The following TC2N variants were observed in gnomAD, a reference collection of about 807,000 sequenced individuals.
The protein encoded by TC2N is tandem C2 domains, nuclear.
TC2N carries 51 observed loss-of-function variants against 61.9 expected under a neutral mutation model. That is an observed-to-expected ratio of 0.82 (90% CI 0.66 to 1.04). The LOEUF is 1.04. Ranked by LOEUF, TC2N falls within the 50% of genes least tolerant of loss-of-function variation. The pLI is 0.00. For missense variants in TC2N, 556 were observed against 566.7 expected, an observed-to-expected ratio of 0.98 and a Z score of 0.19; for synonymous variants, 204 against 192.6, an observed-to-expected ratio of 1.06 and a Z score of -0.49.
chr14:91,833,059 T>C (rs1194334579), intron 1 of TC2N, among the ~76,000 whole-genome samples: 1 of 152,068 alleles, frequency 6.6e-6, no homozygotes, highest in Non-Finnish European at 1.5e-5. Context: ...GGTAAAACCA[T>C]ATAGAGAATC....
chr14:91,840,295 C>CTT (rs1411919642), intron 1 of TC2N, among the ~76,000 whole-genome samples: 3 of 152,130 alleles, frequency 2.0e-5, no homozygotes, highest in Admixed American at 6.5e-5. Context: ...CTGATAGGCA[C>CTT]TGTCATGAAT....
intron 3 of TC2N, among the ~76,000 whole-genome samples, chr14:91,803,380 T>TATACAC (rs1555369732): frequency 3.4e-5 from 5 of 145,460 alleles, no homozygotes; most frequent in African/African-American, 1.3e-4. Flanking sequence ...CATACATATA[T>TATACAC]ACACACACAC....
Position 91,781,264 on chromosome 14 carries a change from T to C in TC2N, c.*1836A>G, listed in dbSNP as rs945977501. The C allele has an allele frequency of 2.6e-5, 4 of 152,140 alleles. No homozygotes were observed. Among genetic ancestry groups the C allele is most frequent in the African/African-American group, 4.8e-5 (2 of 41,460 alleles). 9.4% of individuals were successfully genotyped at this position (152,140 alleles called of 1,614,324 possible). A position where few individuals can be genotyped will look rare whatever the true frequency, so the allele number is the denominator to read the frequency against. On this transcript the variant is annotated 3_prime_UTR_variant, in exon 12 of 12. Transcript: ENST00000435962. ...ACTTCTTTGGTACCCATTAAAATAG[T>C]TGCATTTGCAGAGGATGTTTAGGGC...
At chr14:91,807,120 C>A (rs1053646128) in intron 3 of TC2N, among the ~76,000 whole-genome samples, 1 of 152,226 alleles carries the variant, frequency 6.6e-6, no homozygotes, top group Non-Finnish European at 1.5e-5. Flanking sequence ...GGTTTGGGAA[C>A]CTCCTCCTAG....
In TC2N at chr14:91,812,531, C is replaced by T. The variant is rs375859017; in HGVS notation, c.82G>A (p.Asp28Asn). The part of the protein sequence containing the change: ...TEKHNFSVER[D>N]FKAAVPNSQN... Reference sequence around the variant, plus strand: ...CTATTTGGGACTGCTGCTTTAAAATCTCTTTCCACAGAAACTGCATATAAA... The same window carrying T: ...CTATTTGGGACTGCTGCTTTAAAATTTCTTTCCACAGAAACTGCATATAAA... Residue 28 changes from aspartate (D) to asparagine (N), a missense_variant, in exon 3 of 12, where the codon GAT (aspartate) becomes AAT (asparagine). Coordinates refer to ENST00000435962, the MANE Select transcript of TC2N (RefSeq NM_001128596.3). 6.4e-6 allele frequency: 10 copies of T among 1,571,630 alleles called. No individual in the cohort carries two copies. Among genetic ancestry groups the T allele is most frequent in the Non-Finnish European group, 7.8e-6 (9 of 1,149,336 alleles).
chr14:91,856,353 G>A (rs140699798), intron 1 of TC2N, among the ~76,000 whole-genome samples: 2 of 152,108 alleles, frequency 1.3e-5, no homozygotes, highest in South Asian at 2.1e-4. Flanking sequence ...GCATGGTGGT[G>A]CACACCTGTA....
intron 2 of TC2N, among the ~76,000 whole-genome samples, chr14:91,813,472 A>G (rs1276027299): frequency 6.6e-6 from 1 of 151,720 alleles, no homozygotes; most frequent in African/African-American, 2.4e-5. Context: ...TCAGATTTCC[A>G]TAGCAAATGC....
Position 91,812,357 on chromosome 14 carries a change from G to T in TC2N, c.256C>A (p.Gln86Lys). Reference sequence around the variant, plus strand: ...GAAGGAGTTTCTTGTGTCCTGGGTTGAATGTAAGATAACTTAAACTTGGGC... The same window carrying T: ...GAAGGAGTTTCTTGTGTCCTGGGTTTAATGTAAGATAACTTAAACTTGGGC... ...VVPKFKLSYI[Q>K]PRTQETPSHL... is the part of the protein sequence containing the mutation. Residue 86 changes from glutamine (Q) to lysine (K), a missense_variant, in exon 3 of 12, where the codon CAA becomes AAA. Coordinates refer to ENST00000435962, the MANE Select transcript of TC2N (RefSeq NM_001128596.3). The T allele has an allele frequency of 6.2e-7, 1 of 1,612,324 alleles. No individual in the cohort carries two copies. The highest frequency in any genetic ancestry group is 1.1e-5 in the South Asian group (1 of 90,902).
chr14:91,821,863 C>CA (rs1434836104), intron 1 of TC2N, among the ~76,000 whole-genome samples: 3 of 151,788 alleles, frequency 2.0e-5, no homozygotes, highest in Non-Finnish European at 4.4e-5. Flanking sequence ...GACACTTCTC[C>CA]AAAAAAATCT....
intron 1 of TC2N, among the ~76,000 whole-genome samples, chr14:91,836,923 G>C (rs1458806351): frequency 2.0e-5 from 3 of 152,234 alleles, no homozygotes. Flanking sequence ...TAGAAGCGGA[G>C]TAGTCATGTT....
intron 11 of TC2N, 133 bp downstream of exon 11, chr14:91,785,029 A>G (rs915084398): frequency 3.7e-6 from 2 of 547,920 alleles, no homozygotes; most frequent in Admixed American, 3.7e-5. Flanking sequence ...CGATTTTTGT[A>G]GCAATTGAAT....
intron 3 of TC2N, among the ~76,000 whole-genome samples, chr14:91,803,296 T>G (rs973837742): frequency 6.6e-6 from 1 of 151,722 alleles, no homozygotes; most frequent in Non-Finnish European, 1.5e-5. Context: ...TCAGGTTAAC[T>G]GATAAGAAAG....
intron 9 of TC2N, among the ~76,000 whole-genome samples, chr14:91,791,246 T>A: frequency 6.7e-6 from 1 of 149,722 alleles, no homozygotes; most frequent in East Asian, 2.0e-4. Flanking sequence ...GGTAGATACA[T>A]GTTTCTGCCC....
At chr14:91,814,331 G>A (rs1998136) in intron 1 of TC2N, among the ~76,000 whole-genome samples, 33,966 of 150,014 alleles carry the variant, frequency 0.23, 4,810 homozygotes, top group Admixed American at 0.32. Context: ...AGAAATGTTT[G>A]GGAAGGGAGA....
intron 1 of TC2N, among the ~76,000 whole-genome samples, chr14:91,818,061 T>G (rs925533658): frequency 2.6e-5 from 4 of 152,108 alleles, no homozygotes; most frequent in Non-Finnish European, 4.4e-5. Flanking sequence ...GCCTTCCACC[T>G]TACTCCCTTG....
Position 91,837,516 on chromosome 14 carries a change from C to T in TC2N, c.-56-23691G>A, listed in dbSNP as rs1051924163. Among the ~76,000 whole-genome samples, 1 of 152,182 alleles carries T rather than the reference C, an allele frequency of 6.6e-6. No individual in the cohort carries two copies. The highest frequency in any genetic ancestry group is 1.5e-5 in the Non-Finnish European group (1 of 68,034). The stretch of plus-strand genomic sequence containing the variant: ...CCTCCCAAAGTGCTGGGATTACAAG[C>T]ATTGAGCCACGGTGCCAGCCTGGGT... On this transcript the variant is annotated intron_variant, in intron 1 of 11. Coordinates refer to ENST00000435962, the MANE Select transcript of TC2N (RefSeq NM_001128596.3). This position sits in a 1 kb window ranked among gnomAD's most constrained non-coding sequence, Gnocchi z 4.2.
intron 3 of TC2N, among the ~76,000 whole-genome samples, chr14:91,805,936 A>G (rs936230159): frequency 1.3e-5 from 2 of 151,934 alleles, no homozygotes; most frequent in Non-Finnish European, 2.9e-5. Context: ...TCCAAATCTC[A>G]TCTTTAATTG....
At chr14:91,819,759 A>G (rs2139875137) in intron 1 of TC2N, among the ~76,000 whole-genome samples, 1 of 152,306 alleles carries the variant, frequency 6.6e-6, no homozygotes, top group South Asian at 2.1e-4. Context: ...TCAATAGCAC[A>G]AAGGCCGGGG....
rs1456694984 is a variant in TC2N at position 91,781,902 on chromosome 14, A to T, written c.*1198T>A. The T allele has an allele frequency of 6.6e-6, 1 of 152,070 alleles. No homozygotes were observed. The highest frequency in any genetic ancestry group is 2.4e-5 in the African/African-American group (1 of 41,428). 9.4% of individuals were successfully genotyped at this position (152,070 alleles called of 1,614,324 possible). A position where few individuals can be genotyped will look rare whatever the true frequency, so the allele number is the denominator to read the frequency against. On this transcript the variant is annotated 3_prime_UTR_variant, in exon 12 of 12. Transcript: ENST00000435962. ...GCATGCTTAGGTTATAGCAAGGTAT[A>T]CTCCTGGCCTAAAATATCACCATCT...
Sources: gnomAD v4.1 joint callset for allele counts (sites outside exome capture counted in the v4.1 genomes callset) on GRCh38, gnomAD v4.1.1 for gene constraint, Gnocchi (gnomAD v3.1) non-coding constraint, MANE v1.5 for transcripts, NCBI Gene and HGNC (gene_info 2026-07-23, HGNC 2026-07-21) for gene names.